CSMD1: variants seen among roughly 807,000 people sequenced by gnomAD.
The protein encoded by CSMD1 is CUB and Sushi multiple domains 1.
In CSMD1, 213 loss-of-function variants were observed where a neutral mutation model predicts 417.5. The observed-to-expected ratio is 0.51, with a 90% CI of 0.46 to 0.57. The LOEUF is 0.57. Ranked by LOEUF, CSMD1 falls within the 20% of genes least tolerant of loss-of-function variation. The pLI is 0.00. For synonymous variants in CSMD1, 2,862 were observed against 1,736.8 expected (o/e 1.65, Z -16.11); for missense variants, 6,923 against 4,529.7 (o/e 1.53, Z -15.17).
At chr8:3,526,895 T>C (rs1488988588) in intron 10 of CSMD1, among the ~76,000 whole-genome samples, 12 of 152,206 alleles carry the variant, frequency 7.9e-5, no homozygotes, top group Non-Finnish European at 1.8e-4. Flanking sequence ...GTAATTCACA[T>C]TCCTAATATT....
intron 29 of CSMD1, among the ~76,000 whole-genome samples, chr8:3,216,728 C>G (rs1376899627): frequency 6.6e-6 from 1 of 152,180 alleles, no homozygotes; most frequent in Non-Finnish European, 1.5e-5. Flanking sequence ...TTTGTGTTGT[C>G]CGTGTCCGTT....
intron 2 of CSMD1, among the ~76,000 whole-genome samples, chr8:4,556,753 C>T (rs1798106982): frequency 6.6e-6 from 1 of 152,128 alleles, no homozygotes; most frequent in Non-Finnish European, 1.5e-5. Context: ...AAGTCGAAAA[C>T]CTCAAATCCA....
At chr8:3,349,744 C>A (rs1258215624) in intron 21 of CSMD1, among the ~76,000 whole-genome samples, 1 of 143,528 alleles carries the variant, frequency 7.0e-6, no homozygotes. Flanking sequence ...TATATAAATA[C>A]TTTATATAGT....
intron 10 of CSMD1, among the ~76,000 whole-genome samples, chr8:3,559,838 G>A (rs548845048): frequency 2.8e-4 from 43 of 152,242 alleles, no homozygotes; most frequent in African/African-American, 9.9e-4. Context: ...AAAACATATG[G>A]CAAGACTACT....
intron 38 of CSMD1, among the ~76,000 whole-genome samples, chr8:3,159,633 T>A (rs1443277479): frequency 2.6e-5 from 4 of 152,226 alleles, no homozygotes; most frequent in African/African-American, 4.8e-5. Context: ...AAATCCAGAA[T>A]CCTTTTTTGC....
At chr8:4,646,390 G>A (rs1585385485) in intron 1 of CSMD1, among the ~76,000 whole-genome samples, 1 of 152,152 alleles carries the variant, frequency 6.6e-6, no homozygotes, top group Non-Finnish European at 1.5e-5. Context: ...TAATACGGGT[G>A]AAGCCAGAAG....
At chr8:3,151,285 C>G in intron 40 of CSMD1, 112 bp downstream of exon 40, 1 of 668,210 alleles carries the variant, frequency 1.5e-6, no homozygotes, top group Admixed American at 2.6e-5. Flanking sequence ...ACGCCACTTT[C>G]AATTACAGAT....
At chr8:3,003,072 C>G (rs1807557275) in intron 52 of CSMD1, among the ~76,000 whole-genome samples, 1 of 152,150 alleles carries the variant, frequency 6.6e-6, no homozygotes, top group South Asian at 2.1e-4. Context: ...TATCACTTTC[C>G]AGCCATCCGT....
At position 3,762,115 on chromosome 8, in the gene CSMD1, T is replaced by C. The variant is rs563028595; in HGVS notation, c.819-8073A>G. Among the ~76,000 whole-genome samples, 5 of 152,274 alleles carry C rather than the reference T, an allele frequency of 3.3e-5. No individual in the cohort carries two copies. In the South Asian group the frequency reaches 6.2e-4, roughly 19 times the overall value. ...CTCCCACTCACTCCAGCTTGGCTCATTCTGCTTTCCAGCCTCTTCAGGTGC... is the reference window on the plus strand; with the variant it reads ...CTCCCACTCACTCCAGCTTGGCTCACTCTGCTTTCCAGCCTCTTCAGGTGC... On this transcript the variant is annotated intron_variant, in intron 5 of 69. Transcript: ENST00000635120.
chr8:3,348,276 G>C (rs1268641438), intron 21 of CSMD1, 115 bp from the exon 22 acceptor site: 5 of 694,716 alleles, frequency 7.2e-6, no homozygotes, highest in Non-Finnish European at 1.2e-5. Flanking sequence ...ATGTGTGTTA[G>C]TAATATATTA....
intron 26 of CSMD1, among the ~76,000 whole-genome samples, chr8:3,246,402 C>G (rs1380245466): frequency 2.0e-5 from 3 of 152,194 alleles, no homozygotes; most frequent in Non-Finnish European, 4.4e-5. Context: ...AAGCCAGTTC[C>G]TCAGTCACGC....
chr8:4,533,944 ATATT>A (rs1430483642), intron 2 of CSMD1, among the ~76,000 whole-genome samples: 8 of 148,828 alleles, frequency 5.4e-5, no homozygotes, highest in Admixed American at 4.7e-4. Context: ...TATAATATAC[ATATT>A]TATATATATA....
chr8:4,921,013 AAAG>A (rs1806454316), intron 1 of CSMD1, among the ~76,000 whole-genome samples: 1 of 7,810 alleles, frequency 1.3e-4, no homozygotes, highest in Non-Finnish European at 2.8e-4. Context: ...GAAAGAAAGA[AAAG>A]AAAGAAAGGA....
intron 8 of CSMD1, among the ~76,000 whole-genome samples, chr8:3,595,169 G>A (rs1348717924): frequency 6.6e-6 from 1 of 152,158 alleles, no homozygotes; most frequent in Non-Finnish European, 1.5e-5. Context: ...CCTCTGCTGA[G>A]GGATGCCCCT....
chr8:4,358,047 C>T (rs924767026), intron 3 of CSMD1, among the ~76,000 whole-genome samples: 4 of 152,110 alleles, frequency 2.6e-5, no homozygotes, highest in African/African-American at 9.7e-5. Flanking sequence ...GTAGCTGCTG[C>T]TGATTTACAT....
rs184296257 is a variant in CSMD1 at position 4,016,720 on chromosome 8, G to A, written c.610+15185C>T. ...TAGCCTTTAAGTAACATGTTAGGAA[G>A]ACCCTATAGCCAAACCACCCTCTTG... is the stretch of plus-strand genomic sequence containing the variant. On this transcript the variant is annotated intron_variant, in intron 4 of 69. Coordinates refer to ENST00000635120, the MANE Select transcript of CSMD1 (RefSeq NM_033225.6). 2.6e-5 allele frequency among the ~76,000 whole-genome samples: 4 copies of A among 152,338 alleles called. No homozygotes were observed. In the East Asian group the frequency reaches 7.7e-4, roughly 29 times the overall value.
chr8:4,024,589 A>G (rs1307835602), intron 4 of CSMD1, among the ~76,000 whole-genome samples: 1 of 152,192 alleles, frequency 6.6e-6, no homozygotes, highest in East Asian at 1.9e-4. Flanking sequence ...AAATAATCAT[A>G]TTTTCCCTGC....
intron 3 of CSMD1, among the ~76,000 whole-genome samples, chr8:4,143,790 C>T (rs1046468630): frequency 6.6e-6 from 1 of 151,084 alleles, no homozygotes; most frequent in African/African-American, 2.5e-5. Flanking sequence ...GGGAGGGGGC[C>T]CAAGCAAGCT....
At chr8:3,650,922 C>T (rs17066794) in intron 7 of CSMD1, among the ~76,000 whole-genome samples, 2,383 of 152,240 alleles carry the variant, frequency 0.016, 29 homozygotes, top group African/African-American at 0.036. Context: ...CTGGTCTCTC[C>T]GACTCCGATC....
Sources: allele counts gnomAD v4.1 joint callset (sites outside exome capture counted in the v4.1 genomes callset), GRCh38; gene constraint gnomAD v4.1.1; transcripts MANE v1.5; gene names NCBI Gene and HGNC (gene_info 2026-07-23, HGNC 2026-07-21).